HMCN2: variants seen among roughly 807,000 people sequenced by gnomAD.
The protein encoded by HMCN2 is hemicentin 2, also known as hemicentin-2.
Under a neutral mutation model 377.5 loss-of-function variants are expected in HMCN2, and 325 were observed. The observed-to-expected ratio is 0.86, with a 90% CI of 0.79 to 0.94. HMCN2 has a LOEUF of 0.94. Among genes scored for constraint, HMCN2 ranks in the 40% least tolerant of loss-of-function variants. The pLI, the probability that HMCN2 is intolerant of heterozygous loss-of-function variation, is 0.00. For synonymous variants in HMCN2, 2,007 were observed against 2,046.8 expected, an observed-to-expected ratio of 0.98 and a Z score of 0.53; for missense variants, 4,543 against 4,725.3, an observed-to-expected ratio of 0.96 and a Z score of 1.13.
At position 130,414,404 on chromosome 9, in the gene HMCN2, G is replaced by C. The variant is rs1300233499; in HGVS notation, c.12961+3752G>C. On this transcript the variant is annotated intron_variant, in intron 85 of 97. Transcript: ENST00000683500. The surrounding 1 kb of genome is among the most constrained non-coding windows in gnomAD (Gnocchi z 4.4). ...GCTTCCACGCTGACCTGGCGGAAGT[G>C]AGTGGCACCACTTTTTCTTGGCAGT... 6.6e-6 allele frequency among the ~76,000 whole-genome samples: 1 copy of C among 152,202 alleles called. No homozygotes were observed. Among genetic ancestry groups the C allele is most frequent in the African/African-American group, 2.4e-5 (1 of 41,444 alleles).
intron 4 of HMCN2, among the ~76,000 whole-genome samples, chr9:130,294,618 A>G (rs906360423): frequency 2.0e-5 from 3 of 152,136 alleles, no homozygotes; most frequent in African/African-American, 4.8e-5. Flanking sequence ...CAGTAGAGGG[A>G]CACACCCTTG....
Position 130,392,060 on chromosome 9 carries a change from G to A in HMCN2, c.10078G>A (p.Gly3360Ser), listed in dbSNP as rs767397188. Residue 3360 changes from glycine to serine, a missense_variant, in exon 66 of 98, where the codon GGC (glycine) becomes AGC (serine). Gly to Ser is a moderately conservative substitution (Grantham distance 56, BLOSUM62 0). Transcript: ENST00000683500. ...CATCCACGTGAGCTGGCTCAAGGAC[G>A]GCCTGCCCCTCCCGCTCTCCCAGCG... is the stretch of plus-strand genomic sequence containing the variant. ...PPIHVSWLKD[G>S]LPLPLSQRTL... 15 of 988,406 alleles carry A rather than the reference G, an allele frequency of 1.5e-5. No homozygotes were observed. Among genetic ancestry groups the A allele is most frequent in the Middle Eastern group, 2.8e-4 (1 of 3,568 alleles). The allele number at this position is 988,406 out of a possible 1,614,324, so 61.2% of individuals were successfully genotyped here.
chr9:130,384,375 C>A lies in HMCN2; in HGVS notation c.8833C>A (p.Pro2945Thr). Residue 2945 changes from proline (P) to threonine (T), a missense_variant and splice_region_variant, in exon 58 of 98, where the codon CCG (proline) becomes ACG (threonine). By Grantham distance (38) the Pro-to-Thr change is conservative. Around this residue, in one of 5 missense-constraint regions of HMCN2, gnomAD observed 736 missense variants for 773.2 expected, o/e 0.95. Transcript: ENST00000683500. ...EKLFTLRVQV[P>T]PRIAGLDLEQ... is the part of the protein sequence containing the mutation. ...TACCGTGGTGGCTGTGGGGATAGTC[C>A]CGCCACGAATCGCAGGCCTGGACTT... 1 of 1,296,446 alleles carries A rather than the reference C, an allele frequency of 7.7e-7. No individual in the cohort carries two copies. Among genetic ancestry groups the A allele is most frequent in the Non-Finnish European group, 1.0e-6 (1 of 984,454 alleles). The allele number at this position is 1,296,446 out of a possible 1,614,324, so 80.3% of individuals were successfully genotyped here.
At chr9:130,374,107 G>A (rs1402554870) in intron 48 of HMCN2, among the ~76,000 whole-genome samples, 1 of 151,832 alleles carries the variant, frequency 6.6e-6, no homozygotes, top group African/African-American at 2.4e-5. Context: ...TGGGTGGATG[G>A]GTGGGCGGTG....
chr9:130,397,873 T>C (rs1842681647), intron 74 of HMCN2, among the ~76,000 whole-genome samples: 1 of 151,606 alleles, frequency 6.6e-6, no homozygotes, highest in Non-Finnish European at 1.5e-5. Flanking sequence ...TTCGATTAAG[T>C]AAGAAACCAT....
Position 130,405,963 on chromosome 9 carries a change from C to T in HMCN2, c.12348C>T (p.Asp4116=), listed in dbSNP as rs1379682203. ...ELLVKNLEGQ[D]AGTYTCTAEN... ...CCTTTCTTTGCTCACAGGGCCAGGA[C>T]GCAGGCACCTATACCTGTACCGCTG... Residue 4116 remains aspartate, a synonymous_variant, in exon 82 of 98, where the codon GAC becomes GAT. Transcript: ENST00000683500. The T allele has an allele frequency of 2.4e-5, 31 of 1,285,914 alleles. No individual in the cohort carries two copies. Among genetic ancestry groups the T allele is most frequent in the East Asian group, 2.2e-4 (4 of 17,878 alleles). 79.7% of individuals were successfully genotyped at this position (1,285,914 alleles called of 1,614,324 possible).
rs74749157 is a variant in HMCN2, at chr9:130,303,103, G to A, written c.1421+102G>A. The stretch of plus-strand genomic sequence containing the variant: ...AGTGGGTGGCAGGAGAGAGACCTTG[G>A]TCTCTGTCATTATCCTCCTGGGCAG... On this transcript the variant is annotated intron_variant, in intron 9 of 97. Coordinates refer to ENST00000683500, the MANE Select transcript of HMCN2 (RefSeq NM_001291815.2). This position sits in a 1 kb window ranked among gnomAD's most constrained non-coding sequence, Gnocchi z 5.2. The A allele has an allele frequency of 3.3e-3, 1,144 of 345,640 alleles. 15 individuals carry two copies. The highest frequency in any genetic ancestry group is 0.022 in the African/African-American group (1,012 of 46,738). The allele number at this position is 345,640 out of a possible 1,614,324, so 21.4% of individuals were successfully genotyped here.
At chr9:130,292,870 G>A (rs1835861623) in intron 4 of HMCN2, among the ~76,000 whole-genome samples, 1 of 152,162 alleles carries the variant, frequency 6.6e-6, no homozygotes. Context: ...CCCTCGTGGG[G>A]AATGGTATTT....
intron 74 of HMCN2, 72 bp downstream of exon 74, chr9:130,397,727 C>A: frequency 1.7e-5 from 21 of 1,250,464 alleles, no homozygotes; most frequent in Non-Finnish European, 2.0e-5. Context: ...TTCTGAGTCA[C>A]CCCAGCTGTA....
chr9:130,428,509 C>G lies in HMCN2; in HGVS notation c.14197+20C>G. On this transcript the variant is annotated intron_variant, in intron 93 of 97. Coordinates refer to ENST00000683500, the MANE Select transcript of HMCN2 (RefSeq NM_001291815.2). This position sits in a 1 kb window ranked among gnomAD's most constrained non-coding sequence, Gnocchi z 5.0. ...GTGAAGGTGATGGGGGCACAGCATGCGGCCTGTCCATACTCCTGGAAACCC... is the reference window on the plus strand; with the variant it reads ...GTGAAGGTGATGGGGGCACAGCATGGGGCCTGTCCATACTCCTGGAAACCC... 8 of 1,537,038 alleles carry G rather than the reference C, an allele frequency of 5.2e-6. No individual in the cohort carries two copies. The highest frequency in any genetic ancestry group is 7.0e-6 in the Non-Finnish European group (8 of 1,146,670).
At chr9:130,315,911 C>T (rs1051392051) in intron 15 of HMCN2, among the ~76,000 whole-genome samples, 13 of 152,138 alleles carry the variant, frequency 8.5e-5, no homozygotes, top group African/African-American at 3.1e-4. Context: ...CATGACTTAC[C>T]CAACCTCCAT....
intron 21 of HMCN2, 135 bp downstream of exon 21, chr9:130,326,105 A>C (rs1838122320): frequency 6.6e-6 from 1 of 152,244 alleles, no homozygotes; most frequent in Non-Finnish European, 1.5e-5. Context: ...GTGGCTCTGC[A>C]CAGGACCCGC....
chr9:130,277,989 G>T (rs59209589), intron 1 of HMCN2, among the ~76,000 whole-genome samples: 1 of 13,272 alleles, frequency 7.5e-5, no homozygotes, highest in Non-Finnish European at 1.3e-4. Flanking sequence ...CCACCACCAC[G>T]ATCATCACCA....
intron 4 of HMCN2, among the ~76,000 whole-genome samples, chr9:130,287,096 T>C (rs566678644): frequency 1.7e-4 from 26 of 152,086 alleles, no homozygotes; most frequent in Admixed American, 3.9e-4. Flanking sequence ...CAAGTCAGAG[T>C]TGGGAAGTGA....
Position 130,310,001 on chromosome 9 carries a change from A to G in HMCN2, c.2290A>G (p.Thr764Ala), listed in dbSNP as rs781808674. ...AAQERDAGTY[T>A]CRAVNELGDA... ...TCAGGAGAGGGATGCTGGCACCTAC[A>G]CCTGCCGGGCTGTCAATGAGTTGGG... The change falls in exon 15 of 98, where the codon ACC becomes GCC. Residue 764 changes from threonine (T) to alanine (A), a missense_variant. Around this residue, in one of 5 missense-constraint regions of HMCN2, gnomAD observed 547 missense variants for 189.9 expected, o/e 2.88. Transcript: ENST00000683500. 1.9e-6 allele frequency: 1 copy of G among 533,694 alleles called. No individual in the cohort carries two copies. Among genetic ancestry groups the G allele is most frequent in the South Asian group, 1.4e-5 (1 of 71,326 alleles). 33.1% of individuals were successfully genotyped at this position (533,694 alleles called of 1,614,324 possible).
At chr9:130,411,933 T>A (rs1291811256) in intron 85 of HMCN2, among the ~76,000 whole-genome samples, 1 of 137,700 alleles carries the variant, frequency 7.3e-6, no homozygotes, top group Non-Finnish European at 1.6e-5. Flanking sequence ...AATGGTTCAA[T>A]GATAAATTTT....
At chr9:130,281,719 C>G (rs964935999) in intron 1 of HMCN2, among the ~76,000 whole-genome samples, 5 of 151,946 alleles carry the variant, frequency 3.3e-5, no homozygotes, top group Non-Finnish European at 7.4e-5. Context: ...CATGGCAAAA[C>G]CCCGTCTCTA....
chr9:130,331,271 G>A (rs1838415309), intron 22 of HMCN2, among the ~76,000 whole-genome samples: 1 of 152,186 alleles, frequency 6.6e-6, no homozygotes, highest in African/African-American at 2.4e-5. Flanking sequence ...TCATAAATGG[G>A]ACTGTTGGAG....
At chr9:130,355,994 C>A in intron 33 of HMCN2, 94 bp from the exon 34 acceptor site, 1 of 943,814 alleles carries the variant, frequency 1.1e-6, no homozygotes, top group Non-Finnish European at 1.4e-6. Context: ...CTGGTGAGAG[C>A]AGGTGGGAGG....
Sources: allele counts gnomAD v4.1 joint callset (sites outside exome capture counted in the v4.1 genomes callset), GRCh38; gene constraint gnomAD v4.1.1; regional missense constraint gnomAD v4.1.1; non-coding constraint Gnocchi (gnomAD v3.1); transcripts MANE v1.5; gene names NCBI Gene and HGNC (gene_info 2026-07-23, HGNC 2026-07-21).